The following CDKL3 variants were observed in gnomAD, a reference collection of about 807,000 sequenced individuals.
The protein encoded by CDKL3 is cyclin dependent kinase like 3.
CDKL3 carries 65 observed loss-of-function variants against 69.3 expected under a neutral mutation model. The observed-to-expected ratio is 0.94, with a 90% CI of 0.77 to 1.15. CDKL3 has a LOEUF of 1.15. CDKL3 is among the 50% of genes most tolerant of loss of function. The pLI, the probability that CDKL3 is intolerant of heterozygous loss-of-function variation, is 0.00. For missense variants in CDKL3, 652 were observed against 689.2 expected, an observed-to-expected ratio of 0.95 and a Z score of 0.61; for synonymous variants, 202 against 221.6, an observed-to-expected ratio of 0.91 and a Z score of 0.79.
intron 8 of CDKL3, among the ~76,000 whole-genome samples, chr5:134,288,965 C>G (rs1188955851): frequency 6.7e-6 from 1 of 148,604 alleles, no homozygotes; most frequent in Non-Finnish European, 1.5e-5. Flanking sequence ...TTTAAAGAAC[C>G]AGCCTGGCCA....
intron 3 of CDKL3, among the ~76,000 whole-genome samples, chr5:134,352,120 T>C (rs549019792): frequency 4.6e-5 from 7 of 152,292 alleles, no homozygotes; most frequent in African/African-American, 1.4e-4. Flanking sequence ...AGATTCTGTA[T>C]GTAAGTAAGA....
At chr5:134,333,929 C>T (rs1466297487) in intron 4 of CDKL3, among the ~76,000 whole-genome samples, 3 of 152,124 alleles carry the variant, frequency 2.0e-5, no homozygotes, top group Admixed American at 2.0e-4. Flanking sequence ...GGCTATGAAT[C>T]CATCTGGTCC....
At chr5:134,316,113 TG>T in intron 6 of CDKL3, among the ~76,000 whole-genome samples, 1 of 152,116 alleles carries the variant, frequency 6.6e-6, no homozygotes, top group South Asian at 2.1e-4. Context: ...CCACTGTGCC[TG>T]GCTAGTTTTT....
intron 4 of CDKL3, among the ~76,000 whole-genome samples, chr5:134,327,519 GC>G (rs1178107644): frequency 6.6e-6 from 1 of 152,168 alleles, no homozygotes; most frequent in Non-Finnish European, 1.5e-5. Context: ...AGAAGTTCCA[GC>G]CTAAAGGTAT....
intron 8 of CDKL3, among the ~76,000 whole-genome samples, chr5:134,290,482 C>T (rs1765082942): frequency 1.3e-5 from 2 of 151,358 alleles, no homozygotes; most frequent in Non-Finnish European, 2.9e-5. Context: ...GTTTCTAAGG[C>T]AGAAGCATAA....
intron 5 of CDKL3, 61 bp downstream of exon 5, chr5:134,321,730 A>G: frequency 1.1e-6 from 1 of 884,698 alleles, no homozygotes; most frequent in Non-Finnish European, 1.8e-6. Flanking sequence ...AAAATCAAGC[A>G]GAATTGATCT....
downstream of CDKL3, among the ~76,000 whole-genome samples, chr5:134,293,912 A>G (rs1271957251): frequency 6.6e-6 from 1 of 152,166 alleles, no homozygotes; most frequent in Non-Finnish European, 1.5e-5. Flanking sequence ...GTTTAAGACC[A>G]GCTTGGACAA....
At chr5:134,346,921 G>A (rs1162758267) in intron 4 of CDKL3, among the ~76,000 whole-genome samples, 2 of 152,148 alleles carry the variant, frequency 1.3e-5, no homozygotes, top group Non-Finnish European at 2.9e-5. Flanking sequence ...GAGGTCACCT[G>A]TTGGAGCCAA....
rs1009659242 is a variant in CDKL3 at position 134,299,033 on chromosome 5, C to T, written c.1720-323G>A. ...GATTACAGGTGCACGCCACAATGTC[C>T]GGCTAATTTTTTGCATTTTTAGTAG... is the stretch of plus-strand genomic sequence containing the variant. On this transcript the variant is annotated intron_variant, in intron 12 of 12. Coordinates refer to ENST00000265334, the MANE Select transcript of CDKL3 (RefSeq NM_001113575.2). Among the ~76,000 whole-genome samples the T allele has an allele frequency of 9.2e-5, 14 of 152,154 alleles. No individual in the cohort carries two copies. The South Asian group carries it at 2.1e-3, about 23-fold the overall frequency.
Position 134,306,615 on chromosome 5 carries a change from AGGACCT to A in CDKL3, c.1446_1451del (p.Gly483_Pro484del), listed in dbSNP as rs1341238831. On this transcript the variant is annotated inframe_deletion, in exon 10 of 13. Transcript: ENST00000265334. ...GTGTAGCTTCTTGCCTTACTTGAAT[AGGACCT>A]GGATCCTCTTGCCTGCTATTAGGCA... The A allele has an allele frequency of 6.3e-7, 1 of 1,584,816 alleles. No homozygotes were observed. Among genetic ancestry groups the A allele is most frequent in the Non-Finnish European group, 8.6e-7 (1 of 1,159,882 alleles).
intron 5 of CDKL3, among the ~76,000 whole-genome samples, chr5:134,321,296 G>A (rs1222380563): frequency 1.3e-5 from 2 of 152,124 alleles, no homozygotes; most frequent in African/African-American, 4.8e-5. Flanking sequence ...ACAGGTGTAA[G>A]CCACCATGCC....
intron 4 of CDKL3, among the ~76,000 whole-genome samples, chr5:134,337,543 T>C (rs1476610593): frequency 6.6e-6 from 1 of 152,180 alleles, no homozygotes; most frequent in Non-Finnish European, 1.5e-5. Flanking sequence ...AAGCTGCTGG[T>C]TTCTTTGGAG....
At chr5:134,331,632 C>T (rs1048322311) in intron 4 of CDKL3, among the ~76,000 whole-genome samples, 7 of 152,142 alleles carry the variant, frequency 4.6e-5, no homozygotes, top group African/African-American at 1.2e-4. Flanking sequence ...GACATGAACT[C>T]GTCCTTTTTT....
At chr5:134,340,925 C>T (rs1168208678) in intron 4 of CDKL3, among the ~76,000 whole-genome samples, 1 of 152,052 alleles carries the variant, frequency 6.6e-6, no homozygotes, top group Non-Finnish European at 1.5e-5. Flanking sequence ...TGAATGTGAA[C>T]ACAAAATTCT....
intron 4 of CDKL3, among the ~76,000 whole-genome samples, chr5:134,333,862 T>C (rs1776396207): frequency 6.6e-6 from 1 of 152,202 alleles, no homozygotes; most frequent in Admixed American, 6.5e-5. Context: ...TTTCTACTGA[T>C]GGGAATAGTT....
rs111345899 is a variant in CDKL3, at chr5:134,341,945, C to T, written c.539+8304G>A. Among the ~76,000 whole-genome samples, 1,484 of 152,296 alleles carry T rather than the reference C, an allele frequency of 9.7e-3. 13 individuals carry two copies. The highest frequency in any genetic ancestry group is 0.032 in the African/African-American group (1,315 of 41,564). On this transcript the variant is annotated intron_variant, in intron 4 of 12. Transcript: ENST00000265334. ...CTATAAAATCTAATGCAGTCTGCTG[C>T]GGGCCAGATTTTGCTTTAGGAGGCC...
At chr5:134,286,130 AAAAC>A (rs896632642), downstream of CDKL3, among the ~76,000 whole-genome samples, 1 of 152,158 alleles carries the variant, frequency 6.6e-6, no homozygotes, top group African/African-American at 2.4e-5. Context: ...AAAAAGAAAA[AAAAC>A]AACAACAACA....
intron 3 of CDKL3, among the ~76,000 whole-genome samples, chr5:134,356,430 C>T (rs1375686808): frequency 6.6e-6 from 1 of 152,160 alleles, no homozygotes; most frequent in Non-Finnish European, 1.5e-5. Flanking sequence ...GTTGGGGACC[C>T]CTCCTGTATG....
intron 6 of CDKL3, 100 bp downstream of exon 6, chr5:134,319,258 A>T: frequency 1.2e-6 from 1 of 815,562 alleles, no homozygotes; most frequent in Non-Finnish European, 1.8e-6. Context: ...ATGACCTGGG[A>T]GTCAGAGGTT....
Sources: allele counts gnomAD v4.1 joint callset (sites outside exome capture counted in the v4.1 genomes callset), GRCh38; gene constraint gnomAD v4.1.1; transcripts MANE v1.5; gene names NCBI Gene and HGNC (gene_info 2026-07-23, HGNC 2026-07-21).